Variants in CSMD1 observed in about 807,000 individuals in gnomAD.
The protein encoded by CSMD1 is CUB and sushi domain-containing protein 1.
In CSMD1, 213 loss-of-function variants were observed where a neutral mutation model predicts 417.5. That is an observed-to-expected ratio of 0.51 (90% CI 0.46 to 0.57). The LOEUF (loss-of-function observed/expected upper bound fraction) is 0.57. Ranked by LOEUF, CSMD1 falls within the 20% of genes least tolerant of loss-of-function variation. CSMD1 has a pLI of 0.00. For missense variants in CSMD1, 6,923 were observed against 4,529.7 expected, an observed-to-expected ratio of 1.53 and a Z score of -15.17; for synonymous variants, 2,862 against 1,736.8, an observed-to-expected ratio of 1.65 and a Z score of -16.11.
intron 2 of CSMD1, among the ~76,000 whole-genome samples, chr8:4,580,683 T>G (rs932693159): frequency 2.6e-5 from 4 of 152,136 alleles, no homozygotes; most frequent in African/African-American, 9.7e-5. Flanking sequence ...GCACCGCGTC[T>G]TCCAAGGTAA....
At chr8:3,991,923 T>C (rs1814780380) in intron 5 of CSMD1, among the ~76,000 whole-genome samples, 1 of 152,144 alleles carries the variant, frequency 6.6e-6, no homozygotes, top group Non-Finnish European at 1.5e-5. Context: ...CAACTATTGT[T>C]TATATTTTCT....
At chr8:4,231,575 A>G (rs1461225622) in intron 3 of CSMD1, among the ~76,000 whole-genome samples, 1 of 152,184 alleles carries the variant, frequency 6.6e-6, no homozygotes, top group Non-Finnish European at 1.5e-5. Flanking sequence ...GCATGTAACT[A>G]TTATTGTTAT....
intron 5 of CSMD1, among the ~76,000 whole-genome samples, chr8:3,946,333 T>A (rs1811221215): frequency 6.6e-6 from 1 of 152,122 alleles, no homozygotes; most frequent in Non-Finnish European, 1.5e-5. Flanking sequence ...TTACCTCACA[T>A]TTTCGTCAAA....
At chr8:4,460,226 A>C (rs1454761040) in intron 2 of CSMD1, among the ~76,000 whole-genome samples, 1 of 152,210 alleles carries the variant, frequency 6.6e-6, no homozygotes. Context: ...GAAGTTAAAA[A>C]AATTTCTAAA....
intron 5 of CSMD1, among the ~76,000 whole-genome samples, chr8:3,828,518 T>C (rs887416103): frequency 6.6e-6 from 1 of 152,220 alleles, no homozygotes; most frequent in Non-Finnish European, 1.5e-5. Flanking sequence ...ACTAGTTATC[T>C]ATAATTCCTC....
chr8:4,851,482 T>C (rs1006583220), intron 1 of CSMD1, among the ~76,000 whole-genome samples: 1 of 152,256 alleles, frequency 6.6e-6, no homozygotes, highest in Middle Eastern at 3.4e-3. Flanking sequence ...TTTTGATATT[T>C]GAGTATTTCA....
At chr8:3,018,710 C>G in intron 51 of CSMD1, 60 bp from the exon 52 acceptor site, 1 of 1,399,028 alleles carries the variant, frequency 7.1e-7, no homozygotes, top group South Asian at 1.3e-5. Context: ...TCCTGTGCTC[C>G]AAACAAACAA....
intron 5 of CSMD1, among the ~76,000 whole-genome samples, chr8:3,830,413 C>T (rs2129087338): frequency 6.6e-6 from 1 of 152,278 alleles, no homozygotes; most frequent in Non-Finnish European, 1.5e-5. Flanking sequence ...TCAGATGATA[C>T]CCAGGTTCTA....
In CSMD1 at chr8:3,432,669, C is replaced by A. The variant is rs112387405; in HGVS notation, c.1562-23064G>T. 5.9e-3 allele frequency among the ~76,000 whole-genome samples: 896 copies of A among 152,122 alleles called. 6 individuals are homozygous for A. The highest frequency in any genetic ancestry group is 0.021 in the African/African-American group (861 of 41,504). On this transcript the variant is annotated intron_variant, in intron 12 of 69. Transcript: ENST00000635120. ...TAGCTGGGACTACAGGCGTGTGCCA[C>A]CACACCCAGCTAATTTTTGTATTTT...
intron 2 of CSMD1, among the ~76,000 whole-genome samples, chr8:4,437,869 G>T (rs1002298377): frequency 6.6e-6 from 1 of 152,126 alleles, no homozygotes; most frequent in Admixed American, 6.6e-5. Context: ...CTGCCTCACT[G>T]GTGTAGAATT....
chr8:3,126,952 C>T (rs114464770), intron 41 of CSMD1, among the ~76,000 whole-genome samples: 2 of 152,220 alleles, frequency 1.3e-5, no homozygotes, highest in East Asian at 1.9e-4. Context: ...TACTGATGCA[C>T]GCTGAGAACG....
At chr8:4,923,239 C>T (rs760734826) in intron 1 of CSMD1, among the ~76,000 whole-genome samples, 1 of 152,166 alleles carries the variant, frequency 6.6e-6, no homozygotes, top group African/African-American at 2.4e-5. Context: ...ATTCATTAAA[C>T]AGCTGTCCTT....
At chr8:4,119,256 A>T (rs1802341439) in intron 3 of CSMD1, among the ~76,000 whole-genome samples, 2 of 152,098 alleles carry the variant, frequency 1.3e-5, no homozygotes. Flanking sequence ...TTAAAGTAAA[A>T]TTAAAAAAAA....
At chr8:4,845,413 T>G (rs1325388487) in intron 1 of CSMD1, among the ~76,000 whole-genome samples, 1 of 152,216 alleles carries the variant, frequency 6.6e-6, no homozygotes, top group Non-Finnish European at 1.5e-5. Context: ...TCCATTGCTC[T>G]CATTGAGAAC....
At chr8:3,324,470 C>T (rs1806383062) in intron 23 of CSMD1, among the ~76,000 whole-genome samples, 1 of 149,862 alleles carries the variant, frequency 6.7e-6, no homozygotes, top group Non-Finnish European at 1.5e-5. Context: ...CTTCCCCCCA[C>T]CATTCTTCAC....
At chr8:4,318,417 G>A (rs1199814543) in intron 3 of CSMD1, among the ~76,000 whole-genome samples, 2 of 152,050 alleles carry the variant, frequency 1.3e-5, no homozygotes, top group African/African-American at 4.8e-5. Flanking sequence ...CTGTGTGTGT[G>A]AGAAAGAGTA....
intron 3 of CSMD1, among the ~76,000 whole-genome samples, chr8:4,174,018 G>A (rs1169170944): frequency 6.6e-6 from 1 of 152,130 alleles, no homozygotes; most frequent in East Asian, 1.9e-4. Context: ...CAATCACCAT[G>A]GCCAAGGGAA....
chr8:3,042,620 C>T (rs1044611702), intron 50 of CSMD1, among the ~76,000 whole-genome samples: 4 of 152,118 alleles, frequency 2.6e-5, no homozygotes, highest in African/African-American at 9.7e-5. Context: ...TCAGTGCTGA[C>T]TCCATCATGG....
At chr8:3,892,806 C>G (rs1170315214) in intron 5 of CSMD1, among the ~76,000 whole-genome samples, 1 of 146,076 alleles carries the variant, frequency 6.8e-6, no homozygotes, top group Non-Finnish European at 1.5e-5. Context: ...TACGTGAACT[C>G]AGGTGAGCCA....
Sources: allele counts gnomAD v4.1 joint callset (sites outside exome capture counted in the v4.1 genomes callset), GRCh38; gene constraint gnomAD v4.1.1; transcripts MANE v1.5; gene names NCBI Gene and HGNC (gene_info 2026-07-23, HGNC 2026-07-21).